Variants in PDZD2 observed in about 807,000 individuals in gnomAD.
The protein encoded by PDZD2 is PDZ domain containing 2.
A neutral mutation model predicts 220.7 loss-of-function variants in PDZD2; 90 were observed. That is an observed-to-expected ratio of 0.41 (90% confidence interval 0.34 to 0.49). PDZD2 has a LOEUF of 0.49. Among genes scored for constraint, PDZD2 ranks in the 20% least tolerant of loss-of-function variants. The pLI is 0.28. For missense variants in PDZD2, 3,174 were observed against 3,608.5 expected, an observed-to-expected ratio of 0.88 and a Z score of 3.08; for synonymous variants, 1,375 against 1,450.5, an observed-to-expected ratio of 0.95 and a Z score of 1.18.
intron 6 of PDZD2, among the ~76,000 whole-genome samples, chr5:32,014,610 T>TCTAGCCCTTCC (rs1753588075): frequency 6.6e-6 from 1 of 151,544 alleles, no homozygotes; most frequent in African/African-American, 2.4e-5. Flanking sequence ...AATATCAAAG[T>TCTAGCCCTTCC]CTAGCCCTTC....
chr5:32,072,283 G>C lies in PDZD2; in HGVS notation c.2691G>C (p.Thr897=). ...DEDHPGSGCS[T]SEEGSLPPST... is the part of the protein sequence containing the mutation. ...ATCACCCGGGAAGTGGCTGCAGCAC[G>C]TCGGAGGAGGGCAGCCTGCCTCCCA... Residue 897 remains threonine (T), a synonymous_variant, in exon 17 of 25, where the codon ACG becomes ACC. Transcript: ENST00000438447. The C allele has an allele frequency of 6.2e-7, 1 of 1,613,932 alleles. No homozygotes were observed. The highest frequency in any genetic ancestry group is 1.1e-5 in the South Asian group (1 of 91,046).
At chr5:31,652,199 C>G (rs1435581364) in intron 1 of PDZD2, among the ~76,000 whole-genome samples, 1 of 151,682 alleles carries the variant, frequency 6.6e-6, no homozygotes, top group Non-Finnish European at 1.5e-5. Context: ...TGCCATGTTA[C>G]CCAGGCTGGT....
chr5:31,875,597 A>ATAT (rs1246485340), intron 2 of PDZD2, among the ~76,000 whole-genome samples: 32 of 141,448 alleles, frequency 2.3e-4, no homozygotes, highest in Non-Finnish European at 3.0e-4. Context: ...AAAAAAAAAA[A>ATAT]ATATATATAT....
chr5:31,886,564 G>A (rs1219026269), intron 2 of PDZD2, among the ~76,000 whole-genome samples: 4 of 152,188 alleles, frequency 2.6e-5, no homozygotes, highest in Non-Finnish European at 5.9e-5. Flanking sequence ...AACTGCTTTT[G>A]TGAAGGATGC....
chr5:31,760,893 G>C (rs539200425), intron 1 of PDZD2, among the ~76,000 whole-genome samples: 21 of 152,172 alleles, frequency 1.4e-4, no homozygotes, highest in Non-Finnish European at 2.8e-4. Flanking sequence ...CTGCACTCCA[G>C]CCTGGGCGAT....
chr5:31,873,601 A>C (rs1009799411), intron 2 of PDZD2, among the ~76,000 whole-genome samples: 1 of 151,178 alleles, frequency 6.6e-6, no homozygotes, highest in Non-Finnish European at 1.5e-5. Flanking sequence ...GGGTCTTGCT[A>C]TGTTGCCCAG....
intron 3 of PDZD2, among the ~76,000 whole-genome samples, chr5:31,994,082 ATC>A: frequency 6.6e-6 from 1 of 151,400 alleles, no homozygotes; most frequent in South Asian, 2.1e-4. Context: ...CAGTGGTGTG[ATC>A]TCGGCTCACT....
intron 19 of PDZD2, among the ~76,000 whole-genome samples, chr5:32,082,398 A>G (rs1742062645): frequency 6.6e-6 from 1 of 152,158 alleles, no homozygotes; most frequent in African/African-American, 2.4e-5. Context: ...TCATTAAAAA[A>G]AAATCCAAAA....
chr5:31,976,742 GAGT>G (rs1749816149), intron 2 of PDZD2, among the ~76,000 whole-genome samples: 3 of 115,756 alleles, frequency 2.6e-5, no homozygotes, highest in Non-Finnish European at 5.0e-5. Flanking sequence ...TTTTGTGACA[GAGT>G]CTCCCTCGGT....
Position 32,000,062 on chromosome 5 carries a change from C to T in PDZD2, c.1122-77C>T. 1 of 1,358,338 alleles carries T rather than the reference C, an allele frequency of 7.4e-7. No homozygotes were observed. The allele number at this position is 1,358,338 out of a possible 1,614,324, so 84.1% of individuals were successfully genotyped here. A position where few individuals can be genotyped will look rare whatever the true frequency, so the allele number is the denominator to read the frequency against. On this transcript the variant is annotated intron_variant, in intron 4 of 24. Transcript: ENST00000438447. The surrounding 1 kb of genome is among the most constrained non-coding windows in gnomAD (Gnocchi z 4.5). ...TTAACCGTCCCTCCTCACAACCCTC[C>T]CTAGCTCCAGAAAATGGCCCTTCTC...
At chr5:31,904,362 C>T (rs967099898) in intron 2 of PDZD2, among the ~76,000 whole-genome samples, 2 of 152,138 alleles carry the variant, frequency 1.3e-5, no homozygotes, top group African/African-American at 4.8e-5. Context: ...TGGATGAAGC[C>T]AAGAAAATAG....
chr5:31,920,161 A>G (rs1235984191), intron 2 of PDZD2, among the ~76,000 whole-genome samples: 1 of 151,802 alleles, frequency 6.6e-6, no homozygotes. Context: ...GCACGCACCT[A>G]TAATCCCAGC....
At chr5:32,060,239 GA>G (rs143629466) in intron 13 of PDZD2, among the ~76,000 whole-genome samples, 3,907 of 152,048 alleles carry the variant, frequency 0.026, 173 homozygotes, top group African/African-American at 0.089. Flanking sequence ...AGAACCCAAG[GA>G]AAAAAATCCT....
intron 2 of PDZD2, chr5:31,923,659 A>G (rs1291415845): frequency 1.2e-5 from 8 of 681,980 alleles, no homozygotes; most frequent in Non-Finnish European, 2.2e-5. Flanking sequence ...CTCTTCACAG[A>G]TGAACCTGTA....
At chr5:31,931,937 A>G (rs1309223675) in intron 2 of PDZD2, among the ~76,000 whole-genome samples, 1 of 152,156 alleles carries the variant, frequency 6.6e-6, no homozygotes, top group Non-Finnish European at 1.5e-5. Context: ...AACCCTTTCC[A>G]TTAATGGCAG....
chr5:31,968,840 C>T (rs557281531), intron 2 of PDZD2, among the ~76,000 whole-genome samples: 5 of 143,158 alleles, frequency 3.5e-5, no homozygotes, highest in East Asian at 2.1e-4. Context: ...AATAAATTTC[C>T]GTTGTTAATA....
Position 32,057,668 on chromosome 5 carries a change from A to G in PDZD2, c.1914A>G (p.Leu638=). ...TTTGATCACTAGGGGATGAAATCCTAGATGTAAATGGAATACCAATAAAGG... is the reference window on the plus strand; with the variant it reads ...TTTGATCACTAGGGGATGAAATCCTGGATGTAAATGGAATACCAATAAAGG... ...DGRLKEGDEI[L]DVNGIPIKGL... Residue 638 remains leucine, a synonymous_variant, in exon 11 of 25, where the codon CTA becomes CTG. Transcript: ENST00000438447. The G allele has an allele frequency of 1.3e-6, 2 of 1,579,264 alleles. No homozygotes were observed. Among genetic ancestry groups the G allele is most frequent in the East Asian group, 2.2e-5 (1 of 44,722 alleles).
chr5:32,054,870 A>G (rs1181235888), intron 10 of PDZD2, among the ~76,000 whole-genome samples: 1 of 152,198 alleles, frequency 6.6e-6, no homozygotes, highest in South Asian at 2.1e-4. Flanking sequence ...TGGAGTGACC[A>G]TCTTAGAAAC....
intron 2 of PDZD2, among the ~76,000 whole-genome samples, chr5:31,822,271 CTTTTTTTT>C (rs34010630): frequency 9.9e-6 from 1 of 100,594 alleles, no homozygotes; most frequent in Non-Finnish European, 1.9e-5. Flanking sequence ...TTCACGCAAT[CTTTTTTTT>C]TTTTTTTTTT....
Sources: gnomAD v4.1 joint callset for allele counts (sites outside exome capture counted in the v4.1 genomes callset) on GRCh38, gnomAD v4.1.1 for gene constraint, Gnocchi (gnomAD v3.1) non-coding constraint, MANE v1.5 for transcripts, NCBI Gene and HGNC (gene_info 2026-07-23, HGNC 2026-07-21) for gene names.